The following PRODH2 variants were observed in gnomAD, a reference collection of about 807,000 sequenced individuals.
PRODH2 encodes proline dehydrogenase 2.
A neutral mutation model predicts 51.9 loss-of-function variants in PRODH2; 49 were observed. That is an observed-to-expected ratio of 0.94 (90% CI 0.75 to 1.20). The LOEUF is 1.20. Among genes scored for constraint, PRODH2 ranks in the 50% most tolerant of loss-of-function variants. The pLI, the probability that PRODH2 is intolerant of heterozygous loss-of-function variation, is 0.00. For synonymous variants in PRODH2, 249 were observed against 260.7 expected (o/e 0.96, Z 0.43); for missense variants, 597 against 610.9 (o/e 0.98, Z 0.24).
chr19:35,810,652 C>T (rs1173171026), intron 4 of PRODH2, among the ~76,000 whole-genome samples: 1 of 152,044 alleles, frequency 6.6e-6, no homozygotes, highest in African/African-American at 2.4e-5. Flanking sequence ...TCCCAAGTAA[C>T]TGGGACTACA....
chr19:35,800,860 C>A (rs1465566114), intron 9 of PRODH2, among the ~76,000 whole-genome samples: 1 of 152,014 alleles, frequency 6.6e-6, no homozygotes, highest in South Asian at 2.1e-4. Context: ...GCCCAGCTAA[C>A]TGTTTTTATT....
intron 4 of PRODH2, among the ~76,000 whole-genome samples, chr19:35,809,152 C>T (rs778422997): frequency 4.6e-5 from 7 of 151,538 alleles, no homozygotes; most frequent in Non-Finnish European, 1.0e-4. Flanking sequence ...TTCCTTCCTC[C>T]CTCCCTCTCT....
intron 4 of PRODH2, among the ~76,000 whole-genome samples, chr19:35,810,808 A>C (rs985535383): frequency 6.6e-6 from 1 of 152,218 alleles, no homozygotes; most frequent in African/African-American, 2.4e-5. Context: ...GGCGTGAGCC[A>C]CTGCCCCCGG....
At chr19:35,811,449 AAGGAAGGAAGGG>A (rs1164038648) in intron 4 of PRODH2, among the ~76,000 whole-genome samples, 14 of 88,356 alleles carry the variant, frequency 1.6e-4, no homozygotes, top group African/African-American at 8.2e-4. Context: ...TAAAGGAAGG[AAGGAAGGAAGGG>A]AGGGAGGGAG....
chr19:35,806,467 C>G lies in PRODH2; in HGVS notation c.964G>C (p.Asp322His). Residue 322 changes from aspartate to histidine, a missense_variant, in exon 7 of 10, where the codon GAC becomes CAC. Asp to His is a moderately conservative substitution (Grantham distance 81). Coordinates refer to ENST00000653904, the MANE Select transcript of PRODH2 (RefSeq NM_021232.2). Reference protein sequence around the residue: ...RAVAQLHGMEDPTQPDYEATS... With the variant: ...RAVAQLHGMEHPTQPDYEATS... ...GCCTCATAGTCAGGCTGAGTGGGGT[C>G]TTCCATCCCATGGAGCTGGGCCACC... The G allele has an allele frequency of 6.2e-7, 1 of 1,614,162 alleles. No homozygotes were observed. Among genetic ancestry groups the G allele is most frequent in the Non-Finnish European group, 8.5e-7 (1 of 1,180,036 alleles).
chr19:35,812,339 G>A (rs1172747885), intron 2 of PRODH2, 21 bp downstream of exon 2: 1 of 1,610,214 alleles, frequency 6.2e-7, no homozygotes, highest in African/African-American at 1.3e-5. Context: ...CAGCCTCCCT[G>A]GGCCCTGGCT....
intron 7 of PRODH2, among the ~76,000 whole-genome samples, chr19:35,803,444 G>A (rs541906990): frequency 1.6e-4 from 25 of 151,982 alleles, no homozygotes; most frequent in African/African-American, 5.1e-4. Context: ...TAGTAGAGAC[G>A]GAGTTTCGCC....
chr19:35,812,761 G>C lies in PRODH2; in HGVS notation c.45C>G (p.Pro15=), dbSNP rs138591045. Reference sequence around the variant, plus strand: ...AGCTCAGGGACTGCCAGCCCCTGGAGGGGGGACCAGCTTGGGAACAGAGCA... The same window carrying C: ...AGCTCAGGGACTGCCAGCCCCTGGACGGGGGACCAGCTTGGGAACAGAGCA... ...CYVLCSQAGP[P]SRGWQSLSFD... is the part of the protein sequence containing the mutation. Residue 15 remains proline (P), a synonymous_variant, in exon 1 of 10, where the codon CCC becomes CCG. Transcript: ENST00000653904. 3.7e-6 allele frequency: 6 copies of C among 1,608,714 alleles called. No homozygotes were observed. Among genetic ancestry groups the C allele is most frequent in the Non-Finnish European group, 5.1e-6 (6 of 1,176,760 alleles).
intron 7 of PRODH2, among the ~76,000 whole-genome samples, chr19:35,805,381 C>A (rs961677976): frequency 5.3e-5 from 8 of 152,212 alleles, no homozygotes; most frequent in African/African-American, 1.7e-4. Flanking sequence ...ATTCTCCTTC[C>A]TCAGCCTCCC....
intron 7 of PRODH2, 73 bp from the exon 8 acceptor site, chr19:35,803,151 G>A (rs977704749): frequency 1.9e-6 from 2 of 1,080,070 alleles, no homozygotes; most frequent in Non-Finnish European, 2.6e-6. Context: ...TGGGTGGGGT[G>A]CTCCTAAGCA....
chr19:35,803,215 C>T, intron 7 of PRODH2, 137 bp from the exon 8 acceptor site: 4 of 474,100 alleles, frequency 8.4e-6, no homozygotes, highest in Non-Finnish European at 1.5e-5. Flanking sequence ...TAAGGGACAT[C>T]ACTTCTCTGA....
At chr19:35,806,025 AG>A (rs1972505277) in intron 7 of PRODH2, among the ~76,000 whole-genome samples, 1 of 152,132 alleles carries the variant, frequency 6.6e-6, no homozygotes, top group Admixed American at 6.6e-5. Flanking sequence ...AGTGACAGGG[AG>A]CATGTGGGGC....
intron 4 of PRODH2, among the ~76,000 whole-genome samples, chr19:35,807,967 G>A (rs1207997762): frequency 6.6e-6 from 1 of 151,992 alleles, no homozygotes; most frequent in Non-Finnish European, 1.5e-5. Flanking sequence ...TAGAGTCAAG[G>A]TCTTCCTATG....
chr19:35,804,165 C>T (rs1196812410), intron 7 of PRODH2, among the ~76,000 whole-genome samples: 3 of 152,144 alleles, frequency 2.0e-5, no homozygotes, highest in Non-Finnish European at 4.4e-5. Flanking sequence ...TAATAGCTTC[C>T]CTGACTTTGC....
intron 7 of PRODH2, 117 bp downstream of exon 7, chr19:35,806,313 C>T: frequency 7.5e-7 from 1 of 1,329,172 alleles, no homozygotes; most frequent in East Asian, 2.3e-5. Context: ...CCAACTCCTG[C>T]TCTCAAGTGA....
Position 35,812,260 on chromosome 19 carries a change from A to G in PRODH2, c.384T>C (p.Tyr128=). 6.2e-7 allele frequency: 1 copy of G among 1,613,544 alleles called. No homozygotes were observed. Among genetic ancestry groups the G allele is most frequent in the Non-Finnish European group, 8.5e-7 (1 of 1,179,954 alleles). ...GCAGCATAGCACCGAGGTTCCCCTC[A>G]TACCACGCCTCACTGCCCAGCCAGC... ...DSAAKSGEAW[Y]EGNLGAMLRC... Residue 128 remains tyrosine, a synonymous_variant, in exon 3 of 10, where the codon TAT becomes TAC. Transcript: ENST00000653904.
chr19:35,812,034 C>T lies in PRODH2; in HGVS notation c.525G>A (p.Ser175=), dbSNP rs28563032. ...AGGAGGCTCCTGGCCTTCTGACCCA[C>T]GAGGCTAGCTCCTTCTGAAATGGGG... ...TSTRLCKELA[S]WVRRPGASLE... Residue 175 remains serine (S), a synonymous_variant, in exon 4 of 10, where the codon TCG becomes TCA. Coordinates refer to ENST00000653904, the MANE Select transcript of PRODH2 (RefSeq NM_021232.2). The T allele has an allele frequency of 6.1e-3, 9,902 of 1,614,190 alleles. 374 individuals are homozygous for T. In the African/African-American group the frequency reaches 0.094, roughly 15 times the overall value.
chr19:35,800,899 AT>A (rs1165353660), intron 9 of PRODH2, among the ~76,000 whole-genome samples: 12 of 151,992 alleles, frequency 7.9e-5, no homozygotes, highest in African/African-American at 2.9e-4. Context: ...TAATTAATTA[AT>A]TAATTTTGAG....
chr19:35,809,308 T>C (rs1972565189), intron 4 of PRODH2, among the ~76,000 whole-genome samples: 1 of 152,084 alleles, frequency 6.6e-6, no homozygotes, highest in South Asian at 2.1e-4. Flanking sequence ...ATTACTCAGG[T>C]TGGTATTGAC....
Sources: allele counts gnomAD v4.1 joint callset (sites outside exome capture counted in the v4.1 genomes callset), GRCh38; gene constraint gnomAD v4.1.1; transcripts MANE v1.5; gene names NCBI Gene and HGNC (gene_info 2026-07-23, HGNC 2026-07-21).